The following CCDC40 variants were observed in gnomAD, a reference collection of about 807,000 sequenced individuals.
The protein encoded by CCDC40 is coiled-coil domain-containing protein 40.
Under a neutral mutation model 124.5 loss-of-function variants are expected in CCDC40, and 104 were observed. That is an observed-to-expected ratio of 0.84 (90% CI 0.71 to 0.98). The LOEUF (loss-of-function observed/expected upper bound fraction) is 0.98, where lower values mean the gene tolerates loss of function less well. Among genes scored for constraint, CCDC40 ranks in the 50% least tolerant of loss-of-function variants. The pLI is 0.00. For synonymous variants in CCDC40, 580 were observed against 602.9 expected, an observed-to-expected ratio of 0.96 and a Z score of 0.56; for missense variants, 1,463 against 1,503.9, an observed-to-expected ratio of 0.97 and a Z score of 0.45.
Position 80,095,391 on chromosome 17 carries a change from C to T in CCDC40, c.2961C>T (p.Thr987=). 6.2e-7 allele frequency: 1 copy of T among 1,614,156 alleles called. No homozygotes were observed. Among genetic ancestry groups the T allele is most frequent in the Non-Finnish European group, 8.5e-7 (1 of 1,180,050 alleles). The change falls in exon 18 of 20, where the codon ACC becomes ACT. Residue 987 remains threonine (T), a synonymous_variant. Transcript: ENST00000397545. Reference sequence around the variant, plus strand: ...GCAAGATGGACAGGAAGGCGCTCACCCGCACCGACTTCCACCACAAGCAGC... The same window carrying T: ...GCAAGATGGACAGGAAGGCGCTCACTCGCACCGACTTCCACCACAAGCAGC... The part of the protein sequence containing the change: ...GQRKMDRKAL[T]RTDFHHKQLE...
intron 10 of CCDC40, chr17:80,068,071 TC>T: frequency 1.2e-6 from 1 of 823,536 alleles, no homozygotes. Context: ...TCTCGCTCTG[TC>T]CCCCAGGCTG....
intron 7 of CCDC40, among the ~76,000 whole-genome samples, chr17:80,051,794 C>A (rs111738968): frequency 0.045 from 6,818 of 152,322 alleles, 503 homozygotes; most frequent in African/African-American, 0.15. Context: ...GGACGCGTGC[C>A]CCTAACTGCT....
chr17:80,065,797 T>G (rs928818385), intron 10 of CCDC40, among the ~76,000 whole-genome samples, 191 bp downstream of exon 10: 1 of 152,240 alleles, frequency 6.6e-6, no homozygotes, highest in African/African-American at 2.4e-5. Flanking sequence ...TTAAATCCTT[T>G]CCAACACTGC....
At chr17:80,046,842 C>CTTTA (rs907024485) in intron 3 of CCDC40, among the ~76,000 whole-genome samples, 49 of 152,066 alleles carry the variant, frequency 3.2e-4, no homozygotes, top group South Asian at 3.1e-3. Context: ...TCGATTTTAA[C>CTTTA]TTTATTTATT....
intron 3 of CCDC40, among the ~76,000 whole-genome samples, chr17:80,044,553 G>A (rs1235753426): frequency 1.3e-5 from 2 of 151,678 alleles, no homozygotes; most frequent in African/African-American, 2.4e-5. Flanking sequence ...GTGTGTTGGT[G>A]CACACCTGTA....
At chr17:80,039,039 A>G (rs1326155629) in intron 2 of CCDC40, among the ~76,000 whole-genome samples, 1 of 151,802 alleles carries the variant, frequency 6.6e-6, no homozygotes, top group African/African-American at 2.4e-5. Context: ...TTCGGAACTC[A>G]TTTCCTGTAA....
In CCDC40 at chr17:80,087,478, CAA is replaced by C. The variant is rs2038611366; in HGVS notation, c.2450-128_2450-127del. On this transcript the variant is annotated intron_variant, in intron 14 of 19. Coordinates refer to ENST00000397545, the MANE Select transcript of CCDC40 (RefSeq NM_017950.4). The surrounding 1 kb of genome is among the most constrained non-coding windows in gnomAD (Gnocchi z 4.5). ...ATTCAGGCAGGAGCGCCAGGAACGACAAGAGGGAGGGGATGAAGGGAGCTACA... is the reference window on the plus strand; with the variant it reads ...ATTCAGGCAGGAGCGCCAGGAACGACGAGGGAGGGGATGAAGGGAGCTACA... 2 of 743,092 alleles carry C rather than the reference CAA, an allele frequency of 2.7e-6. No homozygotes were observed. The highest frequency in any genetic ancestry group is 3.5e-5 in the African/African-American group (2 of 57,820). 46.0% of individuals were successfully genotyped at this position (743,092 alleles called of 1,614,324 possible). A position where few individuals can be genotyped will look rare whatever the true frequency, so the allele number is the denominator to read the frequency against.
chr17:80,078,556 C>T (rs1258600418), intron 10 of CCDC40, among the ~76,000 whole-genome samples: 3 of 152,092 alleles, frequency 2.0e-5, no homozygotes, highest in Non-Finnish European at 4.4e-5. Flanking sequence ...GTATTGAAAT[C>T]CTGTGACACC....
intron 3 of CCDC40, among the ~76,000 whole-genome samples, chr17:80,046,020 C>T (rs1044034233): frequency 1.3e-5 from 2 of 152,100 alleles, no homozygotes; most frequent in Non-Finnish European, 2.9e-5. Context: ...CAAATACAAA[C>T]ATAATTTACT....
At chr17:80,054,336 T>C (rs540856393) in intron 7 of CCDC40, among the ~76,000 whole-genome samples, 1 of 152,202 alleles carries the variant, frequency 6.6e-6, no homozygotes, top group Non-Finnish European at 1.5e-5. Context: ...ATGCAAGAAA[T>C]TGAAAATGTC....
chr17:80,099,560 C>G lies in CCDC40; in HGVS notation c.3214C>G (p.Leu1072Val). The G allele has an allele frequency of 3.1e-6, 5 of 1,612,548 alleles. No individual in the cohort carries two copies. Among genetic ancestry groups the G allele is most frequent in the Non-Finnish European group, 4.2e-6 (5 of 1,179,998 alleles). The change falls in exon 20 of 20, where the codon CTT becomes GTT. Residue 1072 changes from leucine (L) to valine (V), a missense_variant. Leu to Val is a conservative substitution (Grantham distance 32, BLOSUM62 1). Transcript: ENST00000397545. Reference protein sequence around the residue: ...LSEIVALQTRLKHLQAVKEGR... With the variant: ...LSEIVALQTRVKHLQAVKEGR... ...AGAGATCGTGGCCCTGCAGACACGCCTTAAGCACCTGCAGGCTGTGAAGGA... is the reference window on the plus strand; with the variant it reads ...AGAGATCGTGGCCCTGCAGACACGCGTTAAGCACCTGCAGGCTGTGAAGGA...
Position 80,047,265 on chromosome 17 carries a change from T to A in CCDC40, c.553-14T>A. On this transcript the variant is annotated splice_polypyrimidine_tract_variant and intron_variant, in intron 3 of 19. Coordinates refer to ENST00000397545, the MANE Select transcript of CCDC40 (RefSeq NM_017950.4). ...TAAGCCCTGTTGACTTAGTTTTGGT[T>A]GTTCTTGCCATAGACAGGATCCACA... 6.2e-7 allele frequency: 1 copy of A among 1,613,810 alleles called. No homozygotes were observed.
At chr17:80,056,544 G>A (rs58550133) in intron 7 of CCDC40, among the ~76,000 whole-genome samples, 40,994 of 151,988 alleles carry the variant, frequency 0.27, 6,180 homozygotes, top group African/African-American at 0.42. Flanking sequence ...AACCCAGGAG[G>A]TTGAAGCTGC....
intron 7 of CCDC40, among the ~76,000 whole-genome samples, chr17:80,054,117 G>A (rs959155906): frequency 6.6e-6 from 1 of 150,680 alleles, no homozygotes; most frequent in African/African-American, 2.4e-5. Context: ...AGAAGCTGAT[G>A]AAATAAATAA....
At chr17:80,081,525 C>T (rs771469312) in intron 10 of CCDC40, 21 bp from the exon 11 acceptor site, 1 of 1,613,128 alleles carries the variant, frequency 6.2e-7, no homozygotes, top group South Asian at 1.1e-5. Context: ...GTAACTGGCT[C>T]TCCCCGCTGC....
At position 80,087,184 on chromosome 17, in the gene CCDC40, C is replaced by G. The variant is rs905216105; in HGVS notation, c.2450-423C>G. On this transcript the variant is annotated intron_variant, in intron 14 of 19. Transcript: ENST00000397545. This position sits in a 1 kb window ranked among gnomAD's most constrained non-coding sequence, Gnocchi z 4.5. ...AAGAGCTGTTGTTTTCTGCCCCTAC[C>G]CCTGAGCTTGGCTGGGGCAGGGCAG... 1.8e-5 allele frequency: 5 copies of G among 273,262 alleles called. No individual in the cohort carries two copies. The highest frequency in any genetic ancestry group is 3.6e-5 in the Non-Finnish European group (5 of 138,528). The allele number at this position is 273,262 out of a possible 1,614,324, so 16.9% of individuals were successfully genotyped here.
At chr17:80,050,560 G>T (rs2037559410) in intron 7 of CCDC40, among the ~76,000 whole-genome samples, 1 of 152,170 alleles carries the variant, frequency 6.6e-6, no homozygotes, top group Non-Finnish European at 1.5e-5. Context: ...TCTCCTGGCT[G>T]AGCCTCCCAA....
rs767147492 is a variant in CCDC40, at chr17:80,058,482, C to A, written c.1160-12C>A. 1 of 1,613,252 alleles carries A rather than the reference C, an allele frequency of 6.2e-7. No individual in the cohort carries two copies. The highest frequency in any genetic ancestry group is 1.7e-5 in the Admixed American group (1 of 60,024). On this transcript the variant is annotated splice_polypyrimidine_tract_variant and intron_variant, in intron 7 of 19. Transcript: ENST00000397545. The surrounding 1 kb of genome is among the most constrained non-coding windows in gnomAD (Gnocchi z 4.2). Reference sequence around the variant, plus strand: ...CACTCTCTCTCTCTTTCTCCCCCGCCGCGCCCCGCAGTGGCGGCTCTGCAG... The same window carrying A: ...CACTCTCTCTCTCTTTCTCCCCCGCAGCGCCCCGCAGTGGCGGCTCTGCAG...
At position 80,036,691 on chromosome 17, in the gene CCDC40, G is replaced by C; in HGVS notation, c.29G>C (p.Arg10Pro). 6.8e-7 allele frequency: 1 copy of C among 1,462,764 alleles called. No individual in the cohort carries two copies. Among genetic ancestry groups the C allele is most frequent in the Non-Finnish European group, 9.0e-7 (1 of 1,108,966 alleles). 90.6% of individuals were successfully genotyped at this position (1,462,764 alleles called of 1,614,324 possible). Residue 10 changes from arginine (R) to proline (P), a missense_variant and splice_region_variant, in exon 1 of 20, where the codon CGG becomes CCG. By Grantham distance (103) the Arg-to-Pro change is moderately radical. Transcript: ENST00000397545. Reference protein sequence around the residue: MAEPGGAAGRSHPEDGSASE... With the variant: MAEPGGAAGPSHPEDGSASE... ...GCGGAACCGGGCGGCGCGGCGGGCC[G>C]GTAAGCCGGGCCGAGGGGCAGCGGG...
Sources: gnomAD v4.1 joint callset for allele counts (sites outside exome capture counted in the v4.1 genomes callset) on GRCh38, gnomAD v4.1.1 for gene constraint, Gnocchi (gnomAD v3.1) non-coding constraint, MANE v1.5 for transcripts, NCBI Gene and HGNC (gene_info 2026-07-23, HGNC 2026-07-21) for gene names.